Variants in PPP2R2C observed in about 807,000 individuals in gnomAD.
PPP2R2C encodes the protein protein phosphatase 2, regulatory subunit B, gamma.
PPP2R2C carries 10 observed loss-of-function variants against 45.3 expected under a neutral mutation model. That is an observed-to-expected ratio of 0.22 (90% CI 0.14 to 0.37). PPP2R2C has a LOEUF of 0.37. Among genes scored for constraint, PPP2R2C ranks in the 10% least tolerant of loss-of-function variants. The pLI, the probability that PPP2R2C is intolerant of heterozygous loss-of-function variation, is 1.00. For missense variants in PPP2R2C, 308 were observed against 619.7 expected (o/e 0.50, Z 5.34); for synonymous variants, 257 against 245.4 (o/e 1.05, Z -0.44).
intron 1 of PPP2R2C, among the ~76,000 whole-genome samples, chr4:6,429,415 T>A (rs1456773871): frequency 6.6e-6 from 1 of 152,208 alleles, no homozygotes; most frequent in African/African-American, 2.4e-5. Context: ...AGACCAAAAC[T>A]TTCACTGACT....
At chr4:6,534,956 C>T (rs567297317) in intron 2 of PPP2R2C, among the ~76,000 whole-genome samples, 1 of 152,362 alleles carries the variant, frequency 6.6e-6, no homozygotes, top group East Asian at 1.9e-4. Flanking sequence ...GTAAACAACG[C>T]TCCTGGCTCC....
intron 2 of PPP2R2C, among the ~76,000 whole-genome samples, chr4:6,489,323 CCT>C (rs936087390): frequency 9.9e-5 from 15 of 152,166 alleles, no homozygotes; most frequent in African/African-American, 2.9e-4. Flanking sequence ...AAGTCTGGTC[CCT>C]GTTATTCCAT....
At chr4:6,561,309 T>C (rs1256571519) in intron 1 of PPP2R2C, among the ~76,000 whole-genome samples, 1 of 152,154 alleles carries the variant, frequency 6.6e-6, no homozygotes, top group Non-Finnish European at 1.5e-5. Flanking sequence ...AGGAACACGA[T>C]GTTACACAGG....
chr4:6,433,285 G>A (rs55966914), intron 1 of PPP2R2C, among the ~76,000 whole-genome samples: 1 of 152,188 alleles, frequency 6.6e-6, no homozygotes, highest in Non-Finnish European at 1.5e-5. Flanking sequence ...CCTAGAAGGG[G>A]AACAGAGGGG....
At chr4:6,465,711 G>A (rs1182565693) in intron 1 of PPP2R2C, among the ~76,000 whole-genome samples, 1 of 151,508 alleles carries the variant, frequency 6.6e-6, no homozygotes, top group Non-Finnish European at 1.5e-5. Context: ...ATTCTAGTGT[G>A]CACCTCCAAT....
At chr4:6,447,254 C>T (rs900683290) in intron 1 of PPP2R2C, among the ~76,000 whole-genome samples, 12 of 152,230 alleles carry the variant, frequency 7.9e-5, no homozygotes, top group East Asian at 3.9e-4. Flanking sequence ...AGGAGGCCTG[C>T]GGTGCAGAGA....
intron 2 of PPP2R2C, among the ~76,000 whole-genome samples, chr4:6,485,045 T>C (rs771743029): frequency 6.6e-6 from 1 of 151,836 alleles, no homozygotes; most frequent in Non-Finnish European, 1.5e-5. Flanking sequence ...GTTTTTCTCA[T>C]AGATGCTCTT....
intron 1 of PPP2R2C, among the ~76,000 whole-genome samples, chr4:6,536,433 G>A (rs753976541): frequency 6.6e-6 from 1 of 152,072 alleles, no homozygotes; most frequent in Admixed American, 6.5e-5. Flanking sequence ...AAACACACAC[G>A]AAGAAAGAAA....
rs1434652351 is a variant in PPP2R2C at position 6,328,686 on chromosome 4, C to T, written c.1052+576G>A. On this transcript the variant is annotated intron_variant, in intron 8 of 8. Transcript: ENST00000382599. The surrounding 1 kb of genome is among the most constrained non-coding windows in gnomAD (Gnocchi z 4.4). ...GAACTCACTTCTGGCACTGGGGCGC[C>T]ACTTTCCAGGCAGGTGGGGTTGAGA... 1.3e-5 allele frequency among the ~76,000 whole-genome samples: 2 copies of T among 152,212 alleles called. No individual in the cohort carries two copies. Among genetic ancestry groups the T allele is most frequent in the Non-Finnish European group, 2.9e-5 (2 of 68,036 alleles).
intron 1 of PPP2R2C, among the ~76,000 whole-genome samples, chr4:6,395,825 C>T: frequency 6.6e-6 from 1 of 152,174 alleles, no homozygotes. Flanking sequence ...TGGCAAGGAG[C>T]ATCCTGGTAG....
chr4:6,404,188 G>T (rs193194711), intron 1 of PPP2R2C, among the ~76,000 whole-genome samples: 2 of 152,252 alleles, frequency 1.3e-5, no homozygotes, highest in Admixed American at 6.5e-5. Flanking sequence ...GGCTTCTGGG[G>T]AGCTCCTTGG....
chr4:6,533,876 A>G (rs1405270931), intron 2 of PPP2R2C, among the ~76,000 whole-genome samples: 1 of 152,062 alleles, frequency 6.6e-6, no homozygotes, highest in Admixed American at 6.6e-5. Flanking sequence ...CACGCCCCCA[A>G]TACACGCACA....
intron 2 of PPP2R2C, among the ~76,000 whole-genome samples, chr4:6,530,536 G>A (rs1264566433): frequency 1.4e-5 from 2 of 143,388 alleles, no homozygotes; most frequent in Non-Finnish European, 3.2e-5. Context: ...GTGGTCGCTG[G>A]ACTGTCACCC....
At chr4:6,501,927 G>A (rs34129740) in intron 2 of PPP2R2C, among the ~76,000 whole-genome samples, 2,484 of 152,330 alleles carry the variant, frequency 0.016, 26 homozygotes, top group Non-Finnish European at 0.028. Flanking sequence ...GCACATAGCA[G>A]GTGCTTAGAA....
intron 1 of PPP2R2C, among the ~76,000 whole-genome samples, chr4:6,457,646 T>G (rs1441583976): frequency 2.0e-5 from 3 of 152,192 alleles, no homozygotes; most frequent in Non-Finnish European, 4.4e-5. Context: ...AGTGCTTGGA[T>G]TACAGGTGTG....
chr4:6,388,901 G>A (rs1716410311), intron 1 of PPP2R2C, among the ~76,000 whole-genome samples: 1 of 152,156 alleles, frequency 6.6e-6, no homozygotes, highest in African/African-American at 2.4e-5. Flanking sequence ...CTAGGAAACT[G>A]ACACAGAGCT....
At chr4:6,362,501 C>T (rs1030659301) in intron 5 of PPP2R2C, among the ~76,000 whole-genome samples, 5 of 152,222 alleles carry the variant, frequency 3.3e-5, no homozygotes, top group African/African-American at 1.2e-4. Context: ...AGCAAAACAA[C>T]CTCCCATCTA....
chr4:6,461,725 G>A (rs13115077), intron 1 of PPP2R2C, among the ~76,000 whole-genome samples: 2 of 152,078 alleles, frequency 1.3e-5, no homozygotes, highest in Non-Finnish European at 2.9e-5. Context: ...ATTAATCAGA[G>A]TAACAAACTG....
At chr4:6,420,636 C>T (rs1012302334) in intron 1 of PPP2R2C, among the ~76,000 whole-genome samples, 1 of 152,080 alleles carries the variant, frequency 6.6e-6, no homozygotes, top group East Asian at 1.9e-4. Flanking sequence ...GCTCTATCTG[C>T]GGGACACGAA....
Sources: gnomAD v4.1 joint callset for allele counts (sites outside exome capture counted in the v4.1 genomes callset) on GRCh38, gnomAD v4.1.1 for gene constraint, Gnocchi (gnomAD v3.1) non-coding constraint, MANE v1.5 for transcripts, NCBI Gene and HGNC (gene_info 2026-07-23, HGNC 2026-07-21) for gene names.